The following ODR4 variants were observed in gnomAD, a reference collection of about 807,000 sequenced individuals.
ODR4 encodes odr-4 GPCR localization factor homolog.
In ODR4, 47 loss-of-function variants were observed where a neutral mutation model predicts 60.2. That is an observed-to-expected ratio of 0.78 (90% CI 0.62 to 1.00). ODR4 has a LOEUF of 1.00. ODR4 is among the 50% of genes least tolerant of loss of function. The pLI, the probability that ODR4 is intolerant of heterozygous loss-of-function variation, is 0.00. For synonymous variants in ODR4, 178 were observed against 175.5 expected (o/e 1.01, Z -0.11); for missense variants, 488 against 530.8 (o/e 0.92, Z 0.79).
the ODR4 span, among the ~76,000 whole-genome samples, chr1:186,428,735 G>C: frequency 6.6e-6 from 1 of 152,124 alleles, no homozygotes; most frequent in South Asian, 2.1e-4. Context: ...GACACTTACA[G>C]GCCATTGTAG....
intron 12 of ODR4, among the ~76,000 whole-genome samples, chr1:186,416,517 CAA>C (rs1301596868): frequency 6.6e-6 from 1 of 152,010 alleles, no homozygotes; most frequent in Non-Finnish European, 1.5e-5. Flanking sequence ...ACTAAAAATA[CAA>C]AAGTTAGTCG....
chr1:186,429,063 G>T, the ODR4 span, among the ~76,000 whole-genome samples: 296 of 152,172 alleles, frequency 1.9e-3, 2 homozygotes, highest in Non-Finnish European at 3.1e-3. Context: ...ATGAAATCTT[G>T]TCTCTACAAA....
At chr1:186,400,917 C>G in intron 11 of ODR4, 1 of 799,882 alleles carries the variant, frequency 1.3e-6, no homozygotes, top group Non-Finnish European at 2.0e-6. Flanking sequence ...GCAGCCCCAT[C>G]TCAGTGTGGC....
At chr1:186,391,836 G>C (rs1259774171) in intron 8 of ODR4, 45 bp downstream of exon 8, 1 of 1,195,006 alleles carries the variant, frequency 8.4e-7, no homozygotes. Context: ...AGTGCTTAAG[G>C]AAAAATAAAA....
Position 186,419,208 on chromosome 1 carries a change from T to G in ODR4, c.*132T>G, listed in dbSNP as rs1308852630. On this transcript the variant is annotated 3_prime_UTR_variant, in exon 14 of 14. Coordinates refer to ENST00000287859, the MANE Select transcript of ODR4 (RefSeq NM_017847.6). Reference sequence around the variant, plus strand: ...CTGCTGCCATGATGCCTATTTGGTGTGTTTCTGATTAAAATGAAATCACAA... The same window carrying G: ...CTGCTGCCATGATGCCTATTTGGTGGGTTTCTGATTAAAATGAAATCACAA... The G allele has an allele frequency of 3.9e-6, 3 of 778,906 alleles. No homozygotes were observed. Among genetic ancestry groups the G allele is most frequent in the Non-Finnish European group, 6.3e-6 (3 of 479,410 alleles). 48.2% of individuals were successfully genotyped at this position (778,906 alleles called of 1,614,324 possible).
At chr1:186,424,501 A>G (rs569589300), downstream of ODR4, among the ~76,000 whole-genome samples, 1 of 152,268 alleles carries the variant, frequency 6.6e-6, no homozygotes, top group East Asian at 1.9e-4. Flanking sequence ...ACTAACATAA[A>G]TTTTGGGTGG....
intron 12 of ODR4, among the ~76,000 whole-genome samples, chr1:186,413,805 TC>T (rs1373897505): frequency 4.6e-5 from 7 of 152,178 alleles, no homozygotes; most frequent in Non-Finnish European, 8.8e-5. Flanking sequence ...GGAGTTCAAG[TC>T]TTAACATTTC....
chr1:186,411,290 A>C (rs1274100930), intron 12 of ODR4, among the ~76,000 whole-genome samples: 1 of 152,134 alleles, frequency 6.6e-6, no homozygotes, highest in Non-Finnish European at 1.5e-5. Flanking sequence ...GATGAGGAAT[A>C]CTCAACCTGT....
intron 12 of ODR4, among the ~76,000 whole-genome samples, chr1:186,413,032 T>C (rs564910495): frequency 2.0e-5 from 3 of 152,188 alleles, no homozygotes; most frequent in African/African-American, 4.8e-5. Flanking sequence ...AATTCAAAAA[T>C]TGGAATCAAT....
At chr1:186,391,660 G>T (rs1660472577) in intron 7 of ODR4, 36 bp from the exon 8 acceptor site, 4 of 1,305,194 alleles carry the variant, frequency 3.1e-6, no homozygotes, top group Non-Finnish European at 2.2e-6. Flanking sequence ...AGATGGCATT[G>T]TATCTGAAAG....
the ODR4 span, among the ~76,000 whole-genome samples, chr1:186,429,652 A>C: frequency 6.6e-6 from 1 of 151,232 alleles, no homozygotes; most frequent in South Asian, 2.1e-4. Flanking sequence ...CTACCCCTAC[A>C]ATCCTCAATA....
chr1:186,418,043 A>G (rs965078854), intron 13 of ODR4, among the ~76,000 whole-genome samples: 34 of 152,182 alleles, frequency 2.2e-4, no homozygotes, highest in Non-Finnish European at 4.3e-4. Context: ...ATGTATTTTT[A>G]TATTTTAAAG....
chr1:186,377,660 A>G (rs758285568), intron 1 of ODR4, among the ~76,000 whole-genome samples: 2 of 152,222 alleles, frequency 1.3e-5, no homozygotes, highest in Non-Finnish European at 2.9e-5. Flanking sequence ...CCTTAACTTC[A>G]CAGAGGCAAC....
chr1:186,390,466 A>G (rs1028100892), intron 6 of ODR4, among the ~76,000 whole-genome samples: 1 of 152,290 alleles, frequency 6.6e-6, no homozygotes, highest in African/African-American at 2.4e-5. Flanking sequence ...GAAATTTCTG[A>G]TTCTTTTTCT....
Position 186,388,550 on chromosome 1 carries a change from T to C in ODR4, c.437+2T>C. The stretch of plus-strand genomic sequence containing the variant: ...TCACATTTGTGCTTCTACAAAAAAG[T>C]ATCTTTTGTTCAGTTTATGGTTTAA... On this transcript the variant is annotated splice_donor_variant, in intron 5 of 13. Transcript: ENST00000287859. LOFTEE classifies it high-confidence loss of function. The C allele has an allele frequency of 3.3e-6, 5 of 1,496,416 alleles. No homozygotes were observed. The highest frequency in any genetic ancestry group is 4.5e-6 in the Non-Finnish European group (5 of 1,107,988). 92.7% of individuals were successfully genotyped at this position (1,496,416 alleles called of 1,614,324 possible).
intron 12 of ODR4, among the ~76,000 whole-genome samples, chr1:186,415,470 G>C (rs570932701): frequency 6.6e-6 from 1 of 152,028 alleles, no homozygotes; most frequent in South Asian, 2.1e-4. Context: ...TTTTTGTGGG[G>C]GTGAGGGTAA....
intron 12 of ODR4, among the ~76,000 whole-genome samples, chr1:186,411,656 A>G (rs1661386326): frequency 6.6e-6 from 1 of 152,006 alleles, no homozygotes; most frequent in South Asian, 2.1e-4. Flanking sequence ...CCTTAAAATA[A>G]CGTAAAAATC....
chr1:186,402,811 C>G (rs938143688), intron 11 of ODR4, among the ~76,000 whole-genome samples: 5 of 152,040 alleles, frequency 3.3e-5, no homozygotes, highest in Non-Finnish European at 7.4e-5. Context: ...TCCAGGTTGT[C>G]TCAAACTTCT....
At chr1:186,424,487 T>C (rs1302166219), downstream of ODR4, among the ~76,000 whole-genome samples, 1 of 152,218 alleles carries the variant, frequency 6.6e-6, no homozygotes, top group African/African-American at 2.4e-5. Flanking sequence ...ATTTACTTAA[T>C]GGCACTAACA....
Sources: allele counts gnomAD v4.1 joint callset (sites outside exome capture counted in the v4.1 genomes callset), GRCh38; gene constraint gnomAD v4.1.1; transcripts MANE v1.5; gene names NCBI Gene and HGNC (gene_info 2026-07-23, HGNC 2026-07-21).